FRMD4B: variants seen among roughly 807,000 people sequenced by gnomAD.
The protein encoded by FRMD4B is FERM domain-containing protein 4B.
Under a neutral mutation model 141.5 loss-of-function variants are expected in FRMD4B, and 74 were observed. That is an observed-to-expected ratio of 0.52 (90% CI 0.43 to 0.63). The LOEUF (loss-of-function observed/expected upper bound fraction) is 0.63, where lower values mean the gene tolerates loss of function less well. Among genes scored for constraint, FRMD4B ranks in the 30% least tolerant of loss-of-function variants. The probability of loss-of-function intolerance (pLI) is 0.00; values close to 1 mark genes in which losing one functional copy is unlikely to be tolerated. For missense variants in FRMD4B, 1,366 were observed against 1,253.4 expected, an observed-to-expected ratio of 1.09 and a Z score of -1.36; for synonymous variants, 506 against 467.9, an observed-to-expected ratio of 1.08 and a Z score of -1.05.
At chr3:69,519,713 TATTTGTGGG>T (rs1204225471) in intron 1 of FRMD4B, among the ~76,000 whole-genome samples, 1 of 151,984 alleles carries the variant, frequency 6.6e-6, no homozygotes, top group East Asian at 1.9e-4. Flanking sequence ...TCTTTAGTGG[TATTTGTGGG>T]ATTTTGGTGC....
intron 1 of FRMD4B, among the ~76,000 whole-genome samples, chr3:69,521,665 T>C (rs578126284): frequency 1.4e-3 from 213 of 152,230 alleles, no homozygotes; most frequent in Middle Eastern, 3.4e-3. Context: ...CTCCCTCCCC[T>C]ACTCAATATG....
intron 1 of FRMD4B, among the ~76,000 whole-genome samples, chr3:69,367,999 G>C (rs571196365): frequency 1.2e-4 from 18 of 152,118 alleles, no homozygotes; most frequent in Non-Finnish European, 2.6e-4. Context: ...ACATATATCA[G>C]TATGTAAAAC....
intron 4 of FRMD4B, among the ~76,000 whole-genome samples, chr3:69,291,908 CTCTT>C (rs1176478592): frequency 2.7e-5 from 3 of 111,806 alleles, no homozygotes; most frequent in East Asian, 2.8e-4. Flanking sequence ...CTACAGGAAT[CTCTT>C]TTTTTTTTTT....
chr3:69,298,791 C>T (rs898669491), intron 4 of FRMD4B, among the ~76,000 whole-genome samples: 6 of 152,138 alleles, frequency 3.9e-5, no homozygotes, highest in African/African-American at 9.7e-5. Context: ...AATGCAGCCC[C>T]GGCTTTGCTA....
chr3:69,472,113 TA>T (rs1481448023), intron 1 of FRMD4B: 1 of 209,348 alleles, frequency 4.8e-6, no homozygotes, highest in African/African-American at 2.3e-5. Flanking sequence ...GACTAAAGCT[TA>T]AAGTTGGGAA....
chr3:69,539,130 T>C (rs1270710687), intron 1 of FRMD4B, among the ~76,000 whole-genome samples: 2 of 152,238 alleles, frequency 1.3e-5, no homozygotes, highest in African/African-American at 2.4e-5. Context: ...CCTTCACTTA[T>C]GTGTGTAAGA....
chr3:69,198,430 A>C, intron 12 of FRMD4B: 1 of 406,340 alleles, frequency 2.5e-6, no homozygotes, highest in Non-Finnish European at 4.4e-6. Context: ...ACAAAACTAA[A>C]AATAACAAGT....
At chr3:69,361,059 C>T (rs1363774654) in intron 1 of FRMD4B, among the ~76,000 whole-genome samples, 6 of 152,132 alleles carry the variant, frequency 3.9e-5, no homozygotes, top group South Asian at 2.1e-4. Context: ...TCCAAAATAA[C>T]GAGTTGGGTA....
intron 11 of FRMD4B, among the ~76,000 whole-genome samples, chr3:69,208,490 C>A (rs2093045561): frequency 1.4e-5 from 2 of 147,716 alleles, no homozygotes; most frequent in African/African-American, 2.4e-5. Context: ...TGAGCCACTG[C>A]AACCAGCCTT....
intron 7 of FRMD4B, among the ~76,000 whole-genome samples, chr3:69,231,217 T>C (rs1049221332): frequency 2.0e-5 from 3 of 152,178 alleles, no homozygotes; most frequent in Admixed American, 6.5e-5. Context: ...GAAAGTACAA[T>C]ATACAGTGGG....
intron 1 of FRMD4B, among the ~76,000 whole-genome samples, chr3:69,503,902 G>T (rs958329172): frequency 1.1e-4 from 16 of 152,142 alleles, no homozygotes; most frequent in Non-Finnish European, 1.9e-4. Flanking sequence ...TATCCTGGTT[G>T]TTGGAGGACT....
Position 69,253,627 on chromosome 3 carries a change from C to T in FRMD4B, c.502-3528G>A, listed in dbSNP as rs113106455. Among the ~76,000 whole-genome samples, 1,300 of 152,242 alleles carry T rather than the reference C, an allele frequency of 8.5e-3. 22 individuals are homozygous for T. Among genetic ancestry groups the T allele is most frequent in the African/African-American group, 0.03 (1,252 of 41,528 alleles). On this transcript the variant is annotated intron_variant, in intron 5 of 22. Transcript: ENST00000398540. ...TACTTGAGAAACTACTGGGACACCT[C>T]AGTTTGTTTCCAAGCCTACTGCTAA... is the stretch of plus-strand genomic sequence containing the variant.
At chr3:69,198,960 A>G (rs1299571804) in intron 11 of FRMD4B, 186 bp from the exon 12 acceptor site, 1 of 582,228 alleles carries the variant, frequency 1.7e-6, no homozygotes, top group African/African-American at 1.9e-5. Flanking sequence ...TTCTTCTGGC[A>G]GCAATCTTTA....
At chr3:69,471,674 C>A in intron 1 of FRMD4B, 1 of 173,962 alleles carries the variant, frequency 5.7e-6, no homozygotes, top group South Asian at 1.4e-4. Context: ...AGCATGTGAC[C>A]ATTCCTCAAT....
intron 9 of FRMD4B, among the ~76,000 whole-genome samples, chr3:69,219,853 A>G (rs1265067273): frequency 6.6e-6 from 1 of 152,172 alleles, no homozygotes; most frequent in African/African-American, 2.4e-5. Flanking sequence ...GCTCCTACTG[A>G]TAAGTGAGAA....
chr3:69,449,444 G>C (rs2106883550), intron 1 of FRMD4B, among the ~76,000 whole-genome samples: 1 of 152,304 alleles, frequency 6.6e-6, no homozygotes, highest in South Asian at 2.1e-4. Flanking sequence ...CAAAAGAGTT[G>C]ACTCTTAAAT....
Position 69,171,470 on chromosome 3 carries a change from G to A in FRMD4B, c.*391C>T, listed in dbSNP as rs556490061. 6.0e-6 allele frequency: 1 copy of A among 166,634 alleles called. No homozygotes were observed. The highest frequency in any genetic ancestry group is 2.4e-5 in the African/African-American group (1 of 41,640). 10.3% of individuals were successfully genotyped at this position (166,634 alleles called of 1,614,324 possible). ...CCCTTCTCTCATCCTGCTGAATTGTGCTCTGAGATTTCCCCTGTTCTTATT... is the reference window on the plus strand; with the variant it reads ...CCCTTCTCTCATCCTGCTGAATTGTACTCTGAGATTTCCCCTGTTCTTATT... On this transcript the variant is annotated 3_prime_UTR_variant, in exon 23 of 23. Coordinates refer to ENST00000398540, the MANE Select transcript of FRMD4B (RefSeq NM_015123.3).
intron 11 of FRMD4B, chr3:69,200,916 A>C (rs1575603663): frequency 2.2e-6 from 1 of 453,172 alleles, no homozygotes; most frequent in African/African-American, 2.0e-5. Flanking sequence ...GACTTGAAAC[A>C]TGATCTCTGA....
chr3:69,524,592 C>T lies in FRMD4B; in HGVS notation c.-129+17614G>A, dbSNP rs1700905536. ...CTGGGGGCTGGGTAATACAGCTCTG[C>T]TCCACACAAAGGTAGGGGAACCCAT... is the stretch of plus-strand genomic sequence containing the variant. On this transcript the variant is annotated intron_variant, in intron 1 of 5. Coordinates refer to the FRMD4B transcript ENST00000459638. Among the ~76,000 whole-genome samples, 3 of 152,166 alleles carry T rather than the reference C, an allele frequency of 2.0e-5. No homozygotes were observed. The South Asian group carries it at 6.2e-4, about 32-fold the overall frequency.
Sources: allele counts gnomAD v4.1 joint callset (sites outside exome capture counted in the v4.1 genomes callset), GRCh38; gene constraint gnomAD v4.1.1; transcripts MANE v1.5; gene names NCBI Gene and HGNC (gene_info 2026-07-23, HGNC 2026-07-21).